SHROOM3: variants seen among roughly 807,000 people sequenced by gnomAD.
SHROOM3 encodes the protein shroom family member 3.
SHROOM3 carries 47 observed loss-of-function variants against 138.6 expected under a neutral mutation model. The observed-to-expected ratio is 0.34, with a 90% CI of 0.27 to 0.43. The LOEUF (loss-of-function observed/expected upper bound fraction) is 0.43, where lower values mean the gene tolerates loss of function less well. Among genes scored for constraint, SHROOM3 ranks in the 20% least tolerant of loss-of-function variants. The pLI, the probability that SHROOM3 is intolerant of heterozygous loss-of-function variation, is 1.00. For synonymous variants in SHROOM3, 1,062 were observed against 1,063.3 expected (o/e 1.00, Z 0.02); for missense variants, 2,491 against 2,596.5 (o/e 0.96, Z 0.88).
At chr4:76,577,911 CTA>C (rs1440637436) in intron 2 of SHROOM3, among the ~76,000 whole-genome samples, 3 of 152,088 alleles carry the variant, frequency 2.0e-5, no homozygotes, top group Non-Finnish European at 4.4e-5. Context: ...TAGATAATAT[CTA>C]TGTTAATAAA....
intron 2 of SHROOM3, among the ~76,000 whole-genome samples, chr4:76,616,209 T>C: frequency 6.6e-6 from 1 of 152,226 alleles, no homozygotes; most frequent in East Asian, 1.9e-4. Context: ...CCTGTTCTCA[T>C]TTAACCTTGA....
chr4:76,685,467 C>T (rs72663205), intron 2 of SHROOM3, among the ~76,000 whole-genome samples: 14,795 of 152,116 alleles, frequency 0.097, 781 homozygotes, highest in East Asian at 0.16. Context: ...GGGCCACATG[C>T]GGCCTGTAAG....
intron 2 of SHROOM3, among the ~76,000 whole-genome samples, chr4:76,577,616 T>G (rs967111917): frequency 6.6e-6 from 1 of 152,210 alleles, no homozygotes; most frequent in African/African-American, 2.4e-5. Context: ...AATTAAAGAA[T>G]CTTTAGAAAA....
intron 1 of SHROOM3, among the ~76,000 whole-genome samples, chr4:76,495,176 C>T (rs186590940): frequency 1.2e-4 from 19 of 152,296 alleles, no homozygotes; most frequent in Non-Finnish European, 2.4e-4. Context: ...AGCCTGTAGA[C>T]GCAGGAGATT....
intron 1 of SHROOM3, among the ~76,000 whole-genome samples, chr4:76,523,952 T>C (rs895479526): frequency 7.2e-5 from 11 of 152,098 alleles, no homozygotes; most frequent in African/African-American, 2.2e-4. Flanking sequence ...GGGGGAGCTG[T>C]GGCAGAACTT....
intron 1 of SHROOM3, among the ~76,000 whole-genome samples, chr4:76,516,928 T>A (rs1226487854): frequency 6.6e-6 from 1 of 152,230 alleles, no homozygotes; most frequent in African/African-American, 2.4e-5. Context: ...ATTTTAATGA[T>A]GAGTTATTTA....
At chr4:76,511,377 C>CA (rs1340333972) in intron 1 of SHROOM3, among the ~76,000 whole-genome samples, 3 of 152,030 alleles carry the variant, frequency 2.0e-5, no homozygotes, top group Non-Finnish European at 2.9e-5. Context: ...ACTACCTGCT[C>CA]TTAGTGGTTT....
intron 1 of SHROOM3, among the ~76,000 whole-genome samples, chr4:76,508,133 T>C (rs1732252751): frequency 6.6e-6 from 1 of 152,212 alleles, no homozygotes; most frequent in Admixed American, 6.5e-5. Flanking sequence ...AACCATTGTC[T>C]GATTCCAGGT....
chr4:76,736,656 C>T (rs1291673405), intron 4 of SHROOM3, among the ~76,000 whole-genome samples: 2 of 152,144 alleles, frequency 1.3e-5, no homozygotes, highest in African/African-American at 4.8e-5. Flanking sequence ...TGGGCAAGAA[C>T]TTCTAGTGAT....
chr4:76,657,926 A>C lies in SHROOM3; in HGVS notation c.324-52230A>C, dbSNP rs1736099750. On this transcript the variant is annotated intron_variant, in intron 2 of 10. Coordinates refer to ENST00000296043, the MANE Select transcript of SHROOM3 (RefSeq NM_020859.4). ...CTGGTCAAGTGGAGACAGTCCTAGA[A>C]CTGGTCCTCTCCATGGAGTTCAGCA... is the stretch of plus-strand genomic sequence containing the variant. Among the ~76,000 whole-genome samples the C allele has an allele frequency of 3.3e-5, 5 of 152,220 alleles. 1 individual carries two copies. The highest frequency in any genetic ancestry group is 9.6e-5 in the African/African-American group (4 of 41,536).
intron 2 of SHROOM3, among the ~76,000 whole-genome samples, chr4:76,672,419 C>CAA (rs35488837): frequency 3.9e-4 from 49 of 127,250 alleles, no homozygotes; most frequent in African/African-American, 1.3e-3. Context: ...AATTAGGGAC[C>CAA]AAAAAAAAAA....
chr4:76,749,194 C>A, intron 6 of SHROOM3, 104 bp downstream of exon 6: 1 of 1,122,092 alleles, frequency 8.9e-7, no homozygotes, highest in Non-Finnish European at 1.3e-6. Context: ...CATATAGTGT[C>A]ACATGCTTTT....
At chr4:76,689,670 C>G (rs1174635741) in intron 2 of SHROOM3, 2 of 985,218 alleles carry the variant, frequency 2.0e-6, no homozygotes, top group Non-Finnish European at 2.4e-6. Context: ...CCCGAGCAGC[C>G]CGGGGGCGGC....
intron 2 of SHROOM3, among the ~76,000 whole-genome samples, chr4:76,680,383 C>G (rs1209863805): frequency 6.6e-6 from 1 of 152,198 alleles, no homozygotes; most frequent in Non-Finnish European, 1.5e-5. Flanking sequence ...TCACGATCTG[C>G]CCGCCTCGGC....
chr4:76,733,727 T>C (rs2110130001), intron 4 of SHROOM3, among the ~76,000 whole-genome samples: 1 of 152,182 alleles, frequency 6.6e-6, no homozygotes. Flanking sequence ...TAGTTTAAGT[T>C]CCAGAAACCA....
chr4:76,536,066 A>G (rs886791352), intron 1 of SHROOM3, among the ~76,000 whole-genome samples: 2 of 152,254 alleles, frequency 1.3e-5, no homozygotes, highest in East Asian at 3.8e-4. Context: ...TACAAGATCT[A>G]TGAAGCATGG....
chr4:76,512,507 A>G (rs952691600), intron 1 of SHROOM3, among the ~76,000 whole-genome samples: 3 of 152,160 alleles, frequency 2.0e-5, no homozygotes, highest in Non-Finnish European at 4.4e-5. Context: ...GGGCTTCTTC[A>G]CTTCCGCAGG....
chr4:76,644,529 T>G (rs532219799), intron 2 of SHROOM3, among the ~76,000 whole-genome samples: 42 of 152,014 alleles, frequency 2.8e-4, no homozygotes, highest in African/African-American at 9.4e-4. Flanking sequence ...CTTTTTAATT[T>G]AATAAATAGG....
chr4:76,771,366 A>C (rs1470312313), intron 10 of SHROOM3, among the ~76,000 whole-genome samples: 1 of 128,012 alleles, frequency 7.8e-6, no homozygotes, highest in Non-Finnish European at 1.8e-5. Context: ...CGACCACATC[A>C]AAAAAAAAAA....
Sources: gnomAD v4.1 joint callset for allele counts (sites outside exome capture counted in the v4.1 genomes callset) on GRCh38, gnomAD v4.1.1 for gene constraint, MANE v1.5 for transcripts, NCBI Gene and HGNC (gene_info 2026-07-23, HGNC 2026-07-21) for gene names.